Variants in PODN observed in about 807,000 individuals in gnomAD.
PODN encodes the protein podocan proteoglycan.
PODN carries 40 observed loss-of-function variants against 52.7 expected under a neutral mutation model. The observed-to-expected ratio is 0.76, with a 90% CI of 0.59 to 0.99. The LOEUF (loss-of-function observed/expected upper bound fraction) is 0.99. Ranked by LOEUF, PODN falls within the 50% of genes least tolerant of loss-of-function variation. PODN has a pLI of 0.00. For synonymous variants in PODN, 396 were observed against 377.9 expected, an observed-to-expected ratio of 1.05 and a Z score of -0.56; for missense variants, 720 against 815.1, an observed-to-expected ratio of 0.88 and a Z score of 1.42.
In PODN at chr1:53,078,674, G is replaced by T; in HGVS notation, c.1164G>T (p.Leu388=). The T allele has an allele frequency of 6.2e-7, 1 of 1,613,182 alleles. No homozygotes were observed. Among genetic ancestry groups the T allele is most frequent in the Non-Finnish European group, 8.5e-7 (1 of 1,179,982 alleles). ...LPRRVRTLMI[L]HNQITGIGRE... is the part of the protein sequence containing the mutation. ...GCCGCGTGCGCACCCTCATGATCCT[G>T]CACAACCAGATCACAGGCATTGGCC... Residue 388 remains leucine, a synonymous_variant, in exon 8 of 11, where the codon CTG becomes CTT. Coordinates refer to ENST00000312553, the MANE Select transcript of PODN (RefSeq NM_153703.5).
intron 1 of PODN, chr1:53,063,530 G>A (rs1643990353): frequency 5.1e-6 from 5 of 985,574 alleles, no homozygotes; most frequent in Non-Finnish European, 6.0e-6. Context: ...CAAGGAGGCC[G>A]GCTGATCTGC....
At chr1:53,077,461 G>A (rs1644212180) in intron 6 of PODN, 115 bp downstream of exon 6, 2 of 1,463,526 alleles carry the variant, frequency 1.4e-6, no homozygotes, top group Non-Finnish European at 1.8e-6. Context: ...GCCCAAGTGG[G>A]GCCCCGGGGC....
chr1:53,079,041 G>A lies in PODN; in HGVS notation c.1512+19G>A, dbSNP rs146333944. 3,699 of 1,502,232 alleles carry A rather than the reference G, an allele frequency of 2.5e-3. 40 individuals are homozygous for A. The African/African-American group carries it at 0.025, about 10-fold the overall frequency. 93.1% of individuals were successfully genotyped at this position (1,502,232 alleles called of 1,614,324 possible). ...TCTGCAGGTAAGCGGAAGGGAGGGG[G>A]CTGAGCCATGCCCATGGAGGGGGGT... On this transcript the variant is annotated intron_variant, in intron 8 of 10. Transcript: ENST00000312553.
In PODN at chr1:53,070,095, G is replaced by A; in HGVS notation, c.240G>A (p.Val80=). The A allele has an allele frequency of 6.2e-7, 1 of 1,612,824 alleles. No individual in the cohort carries two copies. The highest frequency in any genetic ancestry group is 8.5e-7 in the Non-Finnish European group (1 of 1,180,006). The change falls in exon 2 of 11, where the codon GTG becomes GTA. Residue 80 remains valine, a synonymous_variant. Transcript: ENST00000312553. The part of the protein sequence containing the change: ...RDCACSQEGV[V]DCGGIDLREF... Reference sequence around the variant, plus strand: ...GTGCCTGTTCCCAGGAGGGCGTCGTGGACTGTGGCGGTATTGACCTGCGTG... The same window carrying A: ...GTGCCTGTTCCCAGGAGGGCGTCGTAGACTGTGGCGGTATTGACCTGCGTG...
chr1:53,074,778 C>T (rs1325469632), intron 4 of PODN, 108 bp downstream of exon 4: 1 of 920,148 alleles, frequency 1.1e-6, no homozygotes, highest in African/African-American at 1.7e-5. Context: ...CCTGCTGGGT[C>T]CTTGTTGCTG....
Position 53,071,738 on chromosome 1 carries a change from G to C in PODN, c.406+110G>C. On this transcript the variant is annotated intron_variant, in intron 3 of 10. Coordinates refer to ENST00000312553, the MANE Select transcript of PODN (RefSeq NM_153703.5). ...CTTGGCCCTGCGGATCTTGGGGTGT[G>C]GATGGAAGAGAGCAGGCCCGGGCCA... The C allele has an allele frequency of 6.4e-6, 7 of 1,099,806 alleles. 2 individuals are homozygous for C. The Middle Eastern group carries it at 1.0e-3, about 163-fold the overall frequency. 68.1% of individuals were successfully genotyped at this position (1,099,806 alleles called of 1,614,324 possible). A position where few individuals can be genotyped will look rare whatever the true frequency, so the allele number is the denominator to read the frequency against.
intron 1 of PODN, 134 bp from the exon 2 acceptor site, chr1:53,069,667 T>A (rs1479920077): frequency 1.3e-5 from 17 of 1,301,482 alleles, no homozygotes; most frequent in Non-Finnish European, 1.7e-5. Context: ...CTGGTGGGGG[T>A]TGGGCAGGTG....
chr1:53,076,026 T>G, intron 5 of PODN, 55 bp downstream of exon 5: 1 of 1,397,916 alleles, frequency 7.2e-7, no homozygotes, highest in South Asian at 1.2e-5. Context: ...GGGGCTGAGG[T>G]GGAGGCTGCC....
At chr1:53,073,105 T>A (rs1644143684) in intron 3 of PODN, 1 of 224,876 alleles carries the variant, frequency 4.4e-6, no homozygotes, top group Non-Finnish European at 9.5e-6. Flanking sequence ...ACAGCATCTC[T>A]CCTTCTAAGG....
At chr1:53,080,616 C>A in intron 8 of PODN, 112 bp from the exon 9 acceptor site, 2 of 1,182,256 alleles carry the variant, frequency 1.7e-6, no homozygotes, top group Non-Finnish European at 1.2e-6. Context: ...CCCCCTCCTC[C>A]ACACAGGGTT....
chr1:53,063,374 G>A, intron 1 of PODN: 1 of 985,944 alleles, frequency 1.0e-6, no homozygotes, highest in Non-Finnish European at 1.2e-6. Context: ...GGCCAGGGAA[G>A]GGGAAGCTGT....
At chr1:53,063,456 C>T (rs1331254947) in intron 1 of PODN, 1 of 985,446 alleles carries the variant, frequency 1.0e-6, no homozygotes, top group Admixed American at 6.1e-5. Flanking sequence ...TCCCCTATCC[C>T]TCCTTTATAT....
chr1:53,076,252 C>T (rs749086003), intron 5 of PODN, among the ~76,000 whole-genome samples: 2 of 152,370 alleles, frequency 1.3e-5, no homozygotes, highest in East Asian at 1.9e-4. Context: ...AACTGCCCTT[C>T]GCTGAGCTGC....
At chr1:53,069,461 G>T (rs962430900) in intron 1 of PODN, among the ~76,000 whole-genome samples, 1 of 152,212 alleles carries the variant, frequency 6.6e-6, no homozygotes, top group Non-Finnish European at 1.5e-5. Context: ...GCTGGAGGAG[G>T]CAGGGGGTCT....
chr1:53,079,605 G>A (rs1021937298), intron 8 of PODN, among the ~76,000 whole-genome samples: 1 of 152,152 alleles, frequency 6.6e-6, no homozygotes, highest in African/African-American at 2.4e-5. Context: ...CTGGCCAGTC[G>A]ATGTGGCTGC....
At chr1:53,071,502 ATGC>A in intron 2 of PODN, 30 bp from the exon 3 acceptor site, 2 of 1,567,110 alleles carry the variant, frequency 1.3e-6, no homozygotes, top group Non-Finnish European at 1.8e-6. Context: ...CACTAGGCTG[ATGC>A]TGCTTCCTTG....
In PODN at chr1:53,078,575, C is replaced by T. The variant is rs1193269820; in HGVS notation, c.1065C>T (p.Phe355=). ...AGCAGGGCATCCACCCACTGGCCTT[C>T]CAGGGCCTCAAGCGGTTGCACACGG... ...LREQGIHPLA[F]QGLKRLHTVH... The change falls in exon 8 of 11, where the codon TTC becomes TTT. Residue 355 remains phenylalanine (F), a synonymous_variant. Transcript: ENST00000312553. 1.9e-6 allele frequency: 3 copies of T among 1,612,982 alleles called. No homozygotes were observed. The highest frequency in any genetic ancestry group is 1.3e-5 in the African/African-American group (1 of 74,958).
chr1:53,063,545 G>A, intron 1 of PODN: 1 of 985,582 alleles, frequency 1.0e-6, no homozygotes, highest in Non-Finnish European at 1.2e-6. Context: ...ATCTGCAGGC[G>A]CACAGCATTC....
chr1:53,070,034 G>C lies in PODN; in HGVS notation c.179G>C (p.Gly60Ala). 1 of 1,612,994 alleles carries C rather than the reference G, an allele frequency of 6.2e-7. No homozygotes were observed. Among genetic ancestry groups the C allele is most frequent in the Middle Eastern group, 1.7e-4 (1 of 6,058 alleles). Residue 60 changes from glycine (G) to alanine (A), a missense_variant, in exon 2 of 11, where the codon GGG (glycine) becomes GCG (alanine). Coordinates refer to ENST00000312553, the MANE Select transcript of PODN (RefSeq NM_153703.5). ...PVLVLSPEEP[G>A]PGPAAVSCPR... ...CTGGTACTGAGCCCTGAGGAGCCCG[G>C]GCCTGGCCCAGCCGCGGTCAGCTGC...
Sources: gnomAD v4.1 joint callset for allele counts (sites outside exome capture counted in the v4.1 genomes callset) on GRCh38, gnomAD v4.1.1 for gene constraint, MANE v1.5 for transcripts, NCBI Gene and HGNC (gene_info 2026-07-23, HGNC 2026-07-21) for gene names.